The following SVOP variants were observed in gnomAD, a reference collection of about 807,000 sequenced individuals.
SVOP encodes synaptic vesicle 2-related protein.
In SVOP, 17 loss-of-function variants were observed where a neutral mutation model predicts 69.1. The observed-to-expected ratio is 0.25, with a 90% CI of 0.17 to 0.37. SVOP has a LOEUF of 0.37. Among genes scored for constraint, SVOP ranks in the 10% least tolerant of loss-of-function variants. The pLI is 1.00. For missense variants in SVOP, 435 were observed against 597.5 expected, an observed-to-expected ratio of 0.73 and a Z score of 2.84; for synonymous variants, 238 against 238.6, an observed-to-expected ratio of 1.00 and a Z score of 0.02.
chr12:108,933,291 C>G (rs2039833084), intron 11 of SVOP, among the ~76,000 whole-genome samples: 1 of 152,030 alleles, frequency 6.6e-6, no homozygotes, highest in African/African-American at 2.4e-5. Flanking sequence ...GTAGGAAGAT[C>G]TCTTGAGCCC....
chr12:108,978,085 ATGT>A (rs1474175994), intron 3 of SVOP, among the ~76,000 whole-genome samples: 3 of 152,138 alleles, frequency 2.0e-5, no homozygotes, highest in East Asian at 3.8e-4. Flanking sequence ...AGGGGGGGAA[ATGT>A]TGTGGGGAAA....
chr12:108,988,770 C>CTTTTTTTT (rs758822738), intron 1 of SVOP, among the ~76,000 whole-genome samples: 29 of 92,160 alleles, frequency 3.1e-4, no homozygotes, highest in East Asian at 1.8e-3. Context: ...TCTTTTCTCT[C>CTTTTTTTT]TTTTTTTTTT....
chr12:109,017,861 T>C (rs1329828787), intron 1 of SVOP, among the ~76,000 whole-genome samples: 2 of 151,934 alleles, frequency 1.3e-5, no homozygotes, highest in Admixed American at 6.6e-5. Context: ...TTCTATTGTA[T>C]ATTATATATA....
chr12:109,003,814 C>T (rs12309353), intron 1 of SVOP, among the ~76,000 whole-genome samples: 1,758 of 152,254 alleles, frequency 0.012, 43 homozygotes, highest in African/African-American at 0.037. Flanking sequence ...CACTATGTTG[C>T]CCAGGCTGGT....
chr12:108,938,797 A>T (rs756636582), intron 9 of SVOP, 30 bp downstream of exon 9: 14 of 1,613,854 alleles, frequency 8.7e-6, no homozygotes, highest in Middle Eastern at 3.3e-4. Flanking sequence ...CGATACGCAC[A>T]TTGCAGAGTC....
At chr12:108,963,014 G>T (rs898158071) in intron 5 of SVOP, among the ~76,000 whole-genome samples, 6 of 151,990 alleles carry the variant, frequency 3.9e-5, no homozygotes, top group Admixed American at 3.9e-4. Flanking sequence ...CATATTCCTG[G>T]AGTGTTAATT....
At chr12:108,950,789 C>T (rs754726097) in intron 6 of SVOP, among the ~76,000 whole-genome samples, 2 of 152,182 alleles carry the variant, frequency 1.3e-5, no homozygotes, top group Non-Finnish European at 2.9e-5. Flanking sequence ...CAATTTCTTG[C>T]TTTTGCCACC....
At chr12:108,964,907 C>T (rs1390034156) in intron 5 of SVOP, among the ~76,000 whole-genome samples, 2 of 152,114 alleles carry the variant, frequency 1.3e-5, no homozygotes, top group African/African-American at 2.4e-5. Flanking sequence ...TTAATTTGCT[C>T]ATTCAATAAG....
chr12:108,963,177 C>A (rs1376618115), intron 5 of SVOP, among the ~76,000 whole-genome samples: 3 of 152,096 alleles, frequency 2.0e-5, no homozygotes, highest in African/African-American at 7.2e-5. Flanking sequence ...AATACCCTTC[C>A]CAGAGCTCCA....
intron 11 of SVOP, among the ~76,000 whole-genome samples, chr12:108,929,730 G>A (rs537516234): frequency 4.6e-5 from 7 of 152,180 alleles, no homozygotes; most frequent in South Asian, 2.1e-4. Context: ...GAATACTTGC[G>A]TATACAGAAA....
intron 14 of SVOP, among the ~76,000 whole-genome samples, chr12:108,916,210 C>G (rs895651375): frequency 6.6e-6 from 1 of 152,220 alleles, no homozygotes; most frequent in Non-Finnish European, 1.5e-5. Flanking sequence ...ACCTTGAAGC[C>G]TGGGTCACAG....
chr12:108,967,888 G>T (rs968401635), intron 5 of SVOP, among the ~76,000 whole-genome samples: 1 of 152,174 alleles, frequency 6.6e-6, no homozygotes, highest in Non-Finnish European at 1.5e-5. Flanking sequence ...TTCAGTAAAT[G>T]GCATTTCTGA....
intron 9 of SVOP, among the ~76,000 whole-genome samples, chr12:108,937,552 G>T (rs77886675): frequency 0.021 from 3,263 of 152,182 alleles, 135 homozygotes; most frequent in African/African-American, 0.074. Flanking sequence ...GATCCCCACA[G>T]GATGGATCTC....
chr12:108,986,786 G>T (rs1476157490), intron 1 of SVOP, among the ~76,000 whole-genome samples: 2 of 150,404 alleles, frequency 1.3e-5, no homozygotes, highest in Non-Finnish European at 2.9e-5. Flanking sequence ...GGAGGGGGGG[G>T]TCTTTATAGG....
At chr12:109,019,578 GA>G (rs1404565707) in intron 1 of SVOP, among the ~76,000 whole-genome samples, 1 of 151,968 alleles carries the variant, frequency 6.6e-6, no homozygotes, top group African/African-American at 2.4e-5. Flanking sequence ...TTTTCCTTGG[GA>G]AATTTGTAAT....
intron 11 of SVOP, chr12:108,926,486 T>C (rs2039780892): frequency 6.6e-6 from 1 of 152,206 alleles, no homozygotes; most frequent in East Asian, 1.9e-4. Flanking sequence ...GCAGAGTCCA[T>C]GCTAATTTTC....
chr12:108,931,807 C>A (rs902002241), intron 11 of SVOP, among the ~76,000 whole-genome samples: 1 of 148,874 alleles, frequency 6.7e-6, no homozygotes, highest in South Asian at 2.2e-4. Flanking sequence ...GCACTCCAGC[C>A]TGGCGACTGA....
intron 6 of SVOP, among the ~76,000 whole-genome samples, chr12:108,954,841 G>C (rs1029107418): frequency 6.6e-6 from 1 of 152,116 alleles, no homozygotes; most frequent in Non-Finnish European, 1.5e-5. Context: ...ACCAGCCCAG[G>C]CAATACAGTT....
intron 7 of SVOP, among the ~76,000 whole-genome samples, chr12:108,941,728 C>G (rs1555249657): frequency 6.6e-6 from 1 of 151,886 alleles, no homozygotes; most frequent in Non-Finnish European, 1.5e-5. Context: ...GTGGCGCAAT[C>G]TTGGCTCACT....
Sources: allele counts gnomAD v4.1 joint callset (sites outside exome capture counted in the v4.1 genomes callset), GRCh38; gene constraint gnomAD v4.1.1; transcripts MANE v1.5; gene names NCBI Gene and HGNC (gene_info 2026-07-23, HGNC 2026-07-21).